Variants in USP25 observed in about 807,000 individuals in gnomAD.
The protein encoded by USP25 is ubiquitin specific peptidase 25.
USP25 carries 85 observed loss-of-function variants against 158.5 expected under a neutral mutation model. The observed-to-expected ratio is 0.54, with a 90% CI of 0.45 to 0.64. The LOEUF (loss-of-function observed/expected upper bound fraction) is 0.64. Among genes scored for constraint, USP25 ranks in the 30% least tolerant of loss-of-function variants. The pLI is 0.00. For missense variants in USP25, 1,242 were observed against 1,327.3 expected, an observed-to-expected ratio of 0.94 and a Z score of 1.00; for synonymous variants, 464 against 460.4, an observed-to-expected ratio of 1.01 and a Z score of -0.10.
chr21:15,809,142 A>G (rs1395081026), intron 8 of USP25, among the ~76,000 whole-genome samples: 1 of 152,176 alleles, frequency 6.6e-6, no homozygotes, highest in East Asian at 1.9e-4. Context: ...CATGACGAGG[A>G]ATGAATTTGC....
chr21:15,866,711 T>G (rs2039673968), intron 22 of USP25, among the ~76,000 whole-genome samples: 1 of 152,148 alleles, frequency 6.6e-6, no homozygotes, highest in African/African-American at 2.4e-5. Flanking sequence ...GTAATATTTA[T>G]CAAGACCCTA....
Position 15,827,039 on chromosome 21 carries a change from C to G in USP25, c.1529C>G (p.Ala510Gly). 1 of 1,614,180 alleles carries G rather than the reference C, an allele frequency of 6.2e-7. No individual in the cohort carries two copies. The highest frequency in any genetic ancestry group is 8.5e-7 in the Non-Finnish European group (1 of 1,180,026). ...CCAAGCACATCACCTTCATCAGTTG[C>G]TGCCATTTCATCGAGATCAGTAATA... ...ELPSTSPSSV[A>G]AISSRSVIHK... The change falls in exon 14 of 26, where the codon GCT becomes GGT. Residue 510 changes from alanine to glycine, a missense_variant. By Grantham distance (60) the Ala-to-Gly change is moderately conservative. Around this residue, in one of 3 missense-constraint regions of USP25, gnomAD observed 627 missense variants for 701.4 expected, o/e 0.89. Coordinates refer to ENST00000400183, the MANE Select transcript of USP25 (RefSeq NM_001283041.3).
chr21:15,859,446 C>T (rs1344214003), intron 20 of USP25, among the ~76,000 whole-genome samples: 3 of 152,072 alleles, frequency 2.0e-5, no homozygotes, highest in Non-Finnish European at 2.9e-5. Flanking sequence ...CTGCCCATCT[C>T]GGCCTCCCAA....
intron 20 of USP25, among the ~76,000 whole-genome samples, chr21:15,863,741 A>G (rs2039531822): frequency 6.6e-6 from 1 of 152,202 alleles, no homozygotes; most frequent in Non-Finnish European, 1.5e-5. Context: ...TGAAGGGATA[A>G]AGAAGGGCCT....
intron 14 of USP25, among the ~76,000 whole-genome samples, chr21:15,827,876 T>TC (rs961895582): frequency 6.6e-6 from 1 of 151,782 alleles, no homozygotes; most frequent in African/African-American, 2.4e-5. Context: ...TTCTTTTTTT[T>TC]CAGAATAAGT....
intron 1 of USP25, among the ~76,000 whole-genome samples, chr21:15,733,282 G>GAGTTGAAT (rs1348853769): frequency 6.6e-6 from 1 of 151,880 alleles, no homozygotes; most frequent in Admixed American, 6.6e-5. Context: ...GTATCCTTCT[G>GAGTTGAAT]AGTTGAATAA....
At chr21:15,808,388 G>C (rs987717652) in intron 7 of USP25, among the ~76,000 whole-genome samples, 1 of 152,178 alleles carries the variant, frequency 6.6e-6, no homozygotes, top group Non-Finnish European at 1.5e-5. Flanking sequence ...AAAGAGACTA[G>C]TCTTCCTTCT....
chr21:15,802,906 G>A (rs2036202132), intron 6 of USP25, among the ~76,000 whole-genome samples: 1 of 151,602 alleles, frequency 6.6e-6, no homozygotes, highest in Admixed American at 6.6e-5. Context: ...GAACTTCTAG[G>A]TAGACTAAGC....
chr21:15,739,238 C>T (rs2031813060), intron 1 of USP25, among the ~76,000 whole-genome samples: 1 of 152,040 alleles, frequency 6.6e-6, no homozygotes, highest in Non-Finnish European at 1.5e-5. Flanking sequence ...GAAGTGATAA[C>T]AATGAGTATT....
intron 20 of USP25, among the ~76,000 whole-genome samples, chr21:15,853,513 A>G (rs539711213): frequency 6.6e-6 from 1 of 152,340 alleles, no homozygotes; most frequent in East Asian, 1.9e-4. Context: ...GTTTTAAAAT[A>G]GTATGTTCGT....
At chr21:15,829,377 G>A (rs911193403) in intron 14 of USP25, among the ~76,000 whole-genome samples, 3 of 152,106 alleles carry the variant, frequency 2.0e-5, no homozygotes, top group Non-Finnish European at 4.4e-5. Flanking sequence ...CTGGTTCAGA[G>A]TGTGTATATT....
intron 21 of USP25, among the ~76,000 whole-genome samples, chr21:15,865,671 A>T (rs562449476): frequency 6.6e-6 from 1 of 152,298 alleles, no homozygotes; most frequent in Middle Eastern, 3.4e-3. Flanking sequence ...AGAAGATATT[A>T]ATGGAGTAAT....
At chr21:15,755,781 G>A (rs1439718932) in intron 1 of USP25, among the ~76,000 whole-genome samples, 1 of 152,174 alleles carries the variant, frequency 6.6e-6, no homozygotes, top group Admixed American at 6.5e-5. Context: ...TTATTGACAT[G>A]GAAGCATGGG....
chr21:15,841,310 G>C (rs566753227), intron 17 of USP25, among the ~76,000 whole-genome samples: 2 of 151,996 alleles, frequency 1.3e-5, no homozygotes, highest in East Asian at 3.9e-4. Flanking sequence ...TTTTCATGTT[G>C]CTCTACTGCC....
intron 9 of USP25, among the ~76,000 whole-genome samples, chr21:15,814,337 A>G (rs2036826722): frequency 6.6e-6 from 1 of 151,720 alleles, no homozygotes; most frequent in South Asian, 2.1e-4. Flanking sequence ...GGACTAATAC[A>G]GTAAATTGGG....
At chr21:15,785,706 TGAG>T (rs2035233187) in intron 4 of USP25, among the ~76,000 whole-genome samples, 1 of 151,992 alleles carries the variant, frequency 6.6e-6, no homozygotes, top group Non-Finnish European at 1.5e-5. Context: ...GCATCAGAAA[TGAG>T]GAAAGATTTC....
rs901227357 is a variant in USP25 at position 15,735,982 on chromosome 21, ATGTG to A, written c.45+5562_45+5565del. ...CCTAAATCTGTGTGTGTGTGTGTGT[ATGTG>A]TGTGTGTGTGTGTGTGTATGTATGT... On this transcript the variant is annotated intron_variant, in intron 1 of 25. Coordinates refer to ENST00000400183, the MANE Select transcript of USP25 (RefSeq NM_001283041.3). 3.8e-4 allele frequency among the ~76,000 whole-genome samples: 46 copies of A among 119,750 alleles called. 1 individual carries two copies. The highest frequency in any genetic ancestry group is 8.1e-4 in the African/African-American group (27 of 33,324). 78.6% of individuals were successfully genotyped at this position (119,750 alleles called of 152,430 possible). A position where few individuals can be genotyped will look rare whatever the true frequency, so the allele number is the denominator to read the frequency against.
intron 6 of USP25, among the ~76,000 whole-genome samples, chr21:15,801,683 T>G (rs2036143187): frequency 6.6e-6 from 1 of 151,588 alleles, no homozygotes; most frequent in South Asian, 2.1e-4. Context: ...TACCGCCAAC[T>G]CGTGACATGT....
intron 20 of USP25, among the ~76,000 whole-genome samples, chr21:15,860,405 T>G (rs530420395): frequency 3.3e-5 from 5 of 152,178 alleles, no homozygotes; most frequent in Non-Finnish European, 7.3e-5. Flanking sequence ...TCTGCCCACC[T>G]TGGCCTCCCA....
Sources: allele counts gnomAD v4.1 joint callset (sites outside exome capture counted in the v4.1 genomes callset), GRCh38; gene constraint gnomAD v4.1.1; regional missense constraint gnomAD v4.1.1; transcripts MANE v1.5; gene names NCBI Gene and HGNC (gene_info 2026-07-23, HGNC 2026-07-21).